The following ARHGAP6 variants were observed in gnomAD, a reference collection of about 807,000 sequenced individuals.
The protein encoded by ARHGAP6 is rho GTPase-activating protein 6.
In ARHGAP6, 16 loss-of-function variants were observed where a neutral mutation model predicts 55.7. That is an observed-to-expected ratio of 0.29 (90% CI 0.19 to 0.44). ARHGAP6 has a LOEUF of 0.44. ARHGAP6 is among the 20% of genes least tolerant of loss of function. The probability of loss-of-function intolerance (pLI) is 1.00; values close to 1 mark genes in which losing one functional copy is unlikely to be tolerated. For missense variants in ARHGAP6, 698 were observed against 808.9 expected (o/e 0.86, Z 1.66); for synonymous variants, 382 against 360.9 (o/e 1.06, Z -0.66).
intron 6 of ARHGAP6, among the ~76,000 whole-genome samples, chrX:11,180,127 T>G (rs1345245522): frequency 9.0e-6 from 1 of 111,410 alleles, no homozygotes; most frequent in Non-Finnish European, 1.9e-5. Context: ...CAAAGTAGTC[T>G]TATTAACAAT....
At chrX:11,486,278 G>A (rs1254055751) in intron 1 of ARHGAP6, among the ~76,000 whole-genome samples, 1 of 111,979 alleles carries the variant, frequency 8.9e-6, no homozygotes, top group East Asian at 2.8e-4. Context: ...TGTTAAGTAA[G>A]TTCAAGAGCC....
chrX:11,340,589 C>T (rs1569306413), intron 1 of ARHGAP6, among the ~76,000 whole-genome samples: 2 of 108,894 alleles, frequency 1.8e-5, no homozygotes, highest in Non-Finnish European at 3.8e-5. Flanking sequence ...ATTAGCCGGG[C>T]GTAGTGGCGG....
intron 12 of ARHGAP6, among the ~76,000 whole-genome samples, chrX:11,140,595 G>A (rs1484314594): frequency 9.1e-6 from 1 of 109,757 alleles, no homozygotes; most frequent in Non-Finnish European, 1.9e-5. Flanking sequence ...AGCCTAGGCT[G>A]GGCCCCTTAG....
intron 1 of ARHGAP6, among the ~76,000 whole-genome samples, chrX:11,568,218 C>T (rs184876806): frequency 8.9e-5 from 10 of 112,124 alleles, no homozygotes; most frequent in South Asian, 7.4e-4. Context: ...AATAGTGTGG[C>T]GTCAGCATAC....
chrX:11,185,841 C>G (rs2046380335), intron 5 of ARHGAP6, among the ~76,000 whole-genome samples: 1 of 110,738 alleles, frequency 9.0e-6, no homozygotes, highest in Admixed American at 9.6e-5. Context: ...TTAAGTTGGA[C>G]TCTTACTTTT....
rs1377308275 is a variant in ARHGAP6 at position 11,665,368 on chromosome X, G to C, written c.-540C>G. On this transcript the variant is annotated 5_prime_UTR_variant, in exon 1 of 13. Coordinates refer to ENST00000337414, the MANE Select transcript of ARHGAP6 (RefSeq NM_013427.3). ...CGCGAGAACTTCCTCCCGCTCCTGA[G>C]CCGGGCGCCTGAGCTGCGCCTCCCT... 8.8e-6 allele frequency: 1 copy of C among 113,683 alleles called. No homozygotes were observed. The highest frequency in any genetic ancestry group is 3.2e-5 in the African/African-American group (1 of 31,313). The allele number at this position is 113,683 out of a possible 1,213,427, so 9.4% of individuals were successfully genotyped here. A position where few individuals can be genotyped will look rare whatever the true frequency, so the allele number is the denominator to read the frequency against.
At chrX:11,440,466 G>T (rs1273659878) in intron 1 of ARHGAP6, among the ~76,000 whole-genome samples, 1 of 111,603 alleles carries the variant, frequency 9.0e-6, no homozygotes, top group Non-Finnish European at 1.9e-5. Context: ...TGTTTTCAAG[G>T]AGAAATTTCC....
chrX:11,437,399 G>T (rs1188983724), intron 1 of ARHGAP6, among the ~76,000 whole-genome samples: 2 of 112,442 alleles, frequency 1.8e-5, no homozygotes, highest in African/African-American at 6.5e-5. Context: ...GCTGACTTAA[G>T]GTAAAGCCTT....
At chrX:11,495,724 G>T (rs1448358802) in intron 1 of ARHGAP6, among the ~76,000 whole-genome samples, 1 of 111,956 alleles carries the variant, frequency 8.9e-6, no homozygotes, top group African/African-American at 3.2e-5. Flanking sequence ...AGCGTGAGCT[G>T]GTCTACCCAA....
intron 9 of ARHGAP6, 46 bp from the exon 10 acceptor site, chrX:11,156,672 C>G: frequency 1.0e-6 from 1 of 998,679 alleles, no homozygotes; most frequent in Non-Finnish European, 1.4e-6. Flanking sequence ...ATTCCAGAAA[C>G]AGGCAACATA....
intron 1 of ARHGAP6, among the ~76,000 whole-genome samples, chrX:11,390,219 C>T (rs2049385742): frequency 9.0e-6 from 1 of 111,420 alleles, no homozygotes; most frequent in Non-Finnish European, 1.9e-5. Context: ...TCAGGTTTGT[C>T]AAAGATCAGA....
chrX:11,527,484 C>T (rs1037712016), intron 1 of ARHGAP6, among the ~76,000 whole-genome samples: 1 of 111,373 alleles, frequency 9.0e-6, no homozygotes, highest in Non-Finnish European at 1.9e-5. Context: ...TGGTGGCACA[C>T]GCCTATAGTA....
chrX:11,403,427 T>C (rs1224378892), intron 1 of ARHGAP6, among the ~76,000 whole-genome samples: 6 of 112,247 alleles, frequency 5.3e-5, no homozygotes, highest in Non-Finnish European at 1.1e-4. Context: ...TAAATAATAG[T>C]GCAAAGACTT....
intron 1 of ARHGAP6, among the ~76,000 whole-genome samples, chrX:11,451,706 C>A (rs192383670): frequency 8.9e-6 from 1 of 111,796 alleles, no homozygotes; most frequent in Non-Finnish European, 1.9e-5. Context: ...TAAGACAATG[C>A]CCTTTCTCCA....
rs1417080203 is a variant in ARHGAP6 at position 11,138,966 on chromosome X, C to T, written c.2822G>A (p.Arg941His). ...GTCGAGCCAGCCAGCGTCCCCCAGG[C>T]GCGGACTGTCCTGCTCGCCCGCTGG... Reference protein sequence around the residue: ...SLPAGEQDSPRLGDAGWLDWQ... With the variant: ...SLPAGEQDSPHLGDAGWLDWQ... The change falls in exon 13 of 13, where the codon CGC (arginine) becomes CAC (histidine). Residue 941 changes from arginine to histidine, a missense_variant. By Grantham distance (29) the Arg-to-His change is conservative (BLOSUM62 0). Around this residue, in one of 3 missense-constraint regions of ARHGAP6, gnomAD observed 212 missense variants for 208.7 expected, o/e 1.02. Coordinates refer to ENST00000337414, the MANE Select transcript of ARHGAP6 (RefSeq NM_013427.3). 5.8e-6 allele frequency: 7 copies of T among 1,203,042 alleles called. No individual in the cohort carries two copies. The highest frequency in any genetic ancestry group is 3.0e-5 in the East Asian group (1 of 33,513).
intron 1 of ARHGAP6, among the ~76,000 whole-genome samples, chrX:11,387,223 A>C (rs933855644): frequency 9.0e-6 from 1 of 111,655 alleles, no homozygotes; most frequent in African/African-American, 3.3e-5. Flanking sequence ...CCCTGACTGC[A>C]CTCTAGAATT....
chrX:11,331,983 T>C lies in ARHGAP6; in HGVS notation c.589-77276A>G, dbSNP rs57507429. Among the ~76,000 whole-genome samples the C allele has an allele frequency of 7.7e-3, 864 of 112,317 alleles. 10 individuals are homozygous for C. Among genetic ancestry groups the C allele is most frequent in the African/African-American group, 0.027 (824 of 30,971 alleles). ...TAAACAACTAACAAAATGGGGCATA[T>C]TGCTAAATCAATGAGAGCAAAGTAC... On this transcript the variant is annotated intron_variant, in intron 1 of 12. Coordinates refer to ENST00000337414, the MANE Select transcript of ARHGAP6 (RefSeq NM_013427.3).
intron 1 of ARHGAP6, among the ~76,000 whole-genome samples, chrX:11,428,578 A>C (rs746372476): frequency 8.9e-6 from 1 of 111,865 alleles, no homozygotes; most frequent in South Asian, 3.8e-4. Context: ...CTCATGAATC[A>C]ATCAATGCAA....
chrX:11,303,376 C>T (rs1014403632), intron 1 of ARHGAP6, among the ~76,000 whole-genome samples: 2 of 111,880 alleles, frequency 1.8e-5, no homozygotes, highest in East Asian at 2.8e-4. Context: ...CTCTTCCAGA[C>T]GATAAATAAT....
Sources: allele counts gnomAD v4.1 joint callset (sites outside exome capture counted in the v4.1 genomes callset), GRCh38; gene constraint gnomAD v4.1.1; regional missense constraint gnomAD v4.1.1; transcripts MANE v1.5; gene names NCBI Gene and HGNC (gene_info 2026-07-23, HGNC 2026-07-21).